Variants in RTN4RL1 observed in about 807,000 individuals in gnomAD.
The protein encoded by RTN4RL1 is reticulon-4 receptor-like 1.
Under a neutral mutation model 25.6 loss-of-function variants are expected in RTN4RL1, and 7 were observed. That is an observed-to-expected ratio of 0.27 (90% CI 0.16 to 0.51). RTN4RL1 has a LOEUF of 0.51. RTN4RL1 is among the 20% of genes least tolerant of loss of function. The probability of loss-of-function intolerance (pLI) is 0.97; values close to 1 mark genes in which losing one functional copy is unlikely to be tolerated. For synonymous variants in RTN4RL1, 297 were observed against 288.2 expected, an observed-to-expected ratio of 1.03 and a Z score of -0.31; for missense variants, 500 against 615.6, an observed-to-expected ratio of 0.81 and a Z score of 1.99.
Position 1,937,030 on chromosome 17 carries a change from G to A in RTN4RL1, c.792C>T (p.Arg264=). The change falls in exon 2 of 2, where the codon CGC becomes CGT. Residue 264 remains arginine, a synonymous_variant. Coordinates refer to ENST00000331238, the MANE Select transcript of RTN4RL1 (RefSeq NM_178568.4). ...GNPWDCGCRA[R]SLWEWLQRFR... ...ACCTCTGCAGCCATTCCCACAGGGA[G>A]CGCGCGCGACAACCACAGTCCCAGG... 6.2e-7 allele frequency: 1 copy of A among 1,604,422 alleles called. No homozygotes were observed. The highest frequency in any genetic ancestry group is 8.5e-7 in the Non-Finnish European group (1 of 1,178,028).
chr17:1,946,977 A>ATG (rs147354240), intron 1 of RTN4RL1, among the ~76,000 whole-genome samples: 59,519 of 135,634 alleles, frequency 0.44, 12,866 homozygotes, highest in Middle Eastern at 0.6. Context: ...CTCTGTGTGA[A>ATG]TGTGTGTGCA....
At position 1,936,942 on chromosome 17, in the gene RTN4RL1, T is replaced by C; in HGVS notation, c.880A>G (p.Lys294Glu). 6.2e-7 allele frequency: 1 copy of C among 1,609,958 alleles called. No individual in the cohort carries two copies. The highest frequency in any genetic ancestry group is 8.5e-7 in the Non-Finnish European group (1 of 1,179,108). Residue 294 changes from lysine to glutamate, a missense_variant, in exon 2 of 2, where the codon AAG becomes GAG. Physicochemically the swap from Lys to Glu is moderately conservative, Grantham distance 56 (BLOSUM62 1). Around this residue, in one of 2 missense-constraint regions of RTN4RL1, gnomAD observed 268 missense variants for 274.5 expected, o/e 0.98. Transcript: ENST00000331238. The stretch of plus-strand genomic sequence containing the variant: ...CGGAAGTCCTCGGCCCTCAGCAGCT[T>C]CAGGTCCTGGCCGTGCCGCAGCCCA... ...SPGLRHGQDL[K>E]LLRAEDFRNC... is the part of the protein sequence containing the mutation.
intron 1 of RTN4RL1, among the ~76,000 whole-genome samples, chr17:1,950,090 C>CTG (rs1458912268): frequency 6.6e-6 from 1 of 152,126 alleles, no homozygotes; most frequent in South Asian, 2.1e-4. Context: ...TGAGAAGTCA[C>CTG]TGAAGAGCCC....
intron 1 of RTN4RL1, among the ~76,000 whole-genome samples, chr17:1,966,032 G>A (rs2066789622): frequency 2.0e-5 from 3 of 152,108 alleles, no homozygotes; most frequent in Admixed American, 6.5e-5. Context: ...CATCACGAGC[G>A]GCTCTGGAGC....
In RTN4RL1 at chr17:1,947,424, G is replaced by T. The variant is rs561029431; in HGVS notation, c.14-9616C>A. Among the ~76,000 whole-genome samples, 4 of 152,310 alleles carry T rather than the reference G, an allele frequency of 2.6e-5. No individual in the cohort carries two copies. The East Asian group carries it at 7.7e-4, about 29-fold the overall frequency. ...CTCACCCTCCTGAAAAGGGAGCGGG[G>T]CCCTGTTCTGGGCAGAGCCACCCAT... is the stretch of plus-strand genomic sequence containing the variant. On this transcript the variant is annotated intron_variant, in intron 1 of 1. Transcript: ENST00000331238.
Position 1,936,793 on chromosome 17 carries a change from G to A in RTN4RL1, c.1029C>T (p.His343=), listed in dbSNP as rs368013755. 4.6e-4 allele frequency: 726 copies of A among 1,586,756 alleles called. 2 individuals are homozygous for A. The highest frequency in any genetic ancestry group is 5.4e-4 in the Non-Finnish European group (626 of 1,168,352). The change falls in exon 2 of 2, where the codon CAC becomes CAT. Residue 343 remains histidine (H), a synonymous_variant. Coordinates refer to ENST00000331238, the MANE Select transcript of RTN4RL1 (RefSeq NM_178568.4). ...HGPTRSKGHP[H]GPRPGHRKPG... is the part of the protein sequence containing the mutation. ...GCTTCCTGTGGCCGGGCCGGGGGCC[G>A]TGCGGGTGGCCCTTGCTCCTGGTGG... is the stretch of plus-strand genomic sequence containing the variant.
At chr17:2,019,171 T>C (rs1310149090) in intron 1 of RTN4RL1, 5 of 152,132 alleles carry the variant, frequency 3.3e-5, no homozygotes, top group Admixed American at 3.3e-4. Context: ...TCTCTCTGTC[T>C]CATTTCTGCC....
In RTN4RL1 at chr17:1,961,773, C is replaced by CAAAAAAAAAAAAAAAAA. The variant is rs1163170575; in HGVS notation, c.14-23982_14-23966dup. Among the ~76,000 whole-genome samples, 74 of 55,574 alleles carry CAAAAAAAAAAAAAAAAA rather than the reference C, an allele frequency of 1.3e-3. 1 individual carries two copies. The highest frequency in any genetic ancestry group is 2.6e-3 in the South Asian group (3 of 1,140). 36.5% of individuals were successfully genotyped at this position (55,574 alleles called of 152,430 possible). A position where few individuals can be genotyped will look rare whatever the true frequency, so the allele number is the denominator to read the frequency against. On this transcript the variant is annotated intron_variant, in intron 1 of 1. Coordinates refer to ENST00000331238, the MANE Select transcript of RTN4RL1 (RefSeq NM_178568.4). ...TGAAACCCTGTCTCCACTAAAAATA[C>CAAAAAAAAAAAAAAAAA]AAAAAAAAAAAAAAAAAAAAAAAAA...
chr17:1,977,006 C>T (rs1301626141), intron 1 of RTN4RL1, among the ~76,000 whole-genome samples: 5 of 152,214 alleles, frequency 3.3e-5, no homozygotes, highest in Non-Finnish European at 7.3e-5. Context: ...TGTGGCCTCT[C>T]AGATCAGACT....
At chr17:1,963,294 T>G (rs1311972650) in intron 1 of RTN4RL1, among the ~76,000 whole-genome samples, 1 of 152,234 alleles carries the variant, frequency 6.6e-6, no homozygotes, top group Non-Finnish European at 1.5e-5. Flanking sequence ...CTTGATTGAA[T>G]CAGGCCTGGC....
intron 1 of RTN4RL1, chr17:2,023,532 T>A (rs567724582): frequency 6.6e-6 from 1 of 152,442 alleles, no homozygotes; most frequent in East Asian, 1.9e-4. Context: ...CGGCCCAAGC[T>A]AGGACCACCA....
chr17:2,007,343 C>CAT (rs2067005568), intron 1 of RTN4RL1, among the ~76,000 whole-genome samples: 1 of 128,536 alleles, frequency 7.8e-6, no homozygotes, highest in Admixed American at 7.6e-5. Flanking sequence ...CCCCAACACA[C>CAT]ACACACACAC....
chr17:2,018,573 C>T (rs1477891166), intron 1 of RTN4RL1, among the ~76,000 whole-genome samples: 1 of 152,162 alleles, frequency 6.6e-6, no homozygotes, highest in Admixed American at 6.5e-5. Flanking sequence ...AAACAAATGT[C>T]AGAGAAATCA....
rs1000601928 is a variant in RTN4RL1 at position 2,009,485 on chromosome 17, G to A, written c.13+15368C>T. ...TGTGTGCCTGTAATCTCAGCTACTC[G>A]AGAGGCTGAGGTAGGAGAATTGCTT... On this transcript the variant is annotated intron_variant, in intron 1 of 1. Coordinates refer to ENST00000331238, the MANE Select transcript of RTN4RL1 (RefSeq NM_178568.4). Among the ~76,000 whole-genome samples the A allele has an allele frequency of 1.6e-5, 2 of 122,440 alleles. 1 individual carries two copies. The highest frequency in any genetic ancestry group is 3.4e-5 in the Non-Finnish European group (2 of 59,210). 80.3% of individuals were successfully genotyped at this position (122,440 alleles called of 152,430 possible).
chr17:1,982,882 T>C (rs866134059), intron 1 of RTN4RL1, among the ~76,000 whole-genome samples: 55 of 152,150 alleles, frequency 3.6e-4, no homozygotes, highest in African/African-American at 1.3e-3. Context: ...TGACAGTCAC[T>C]GTGTGCCACA....
chr17:1,971,722 G>C (rs189446318), intron 1 of RTN4RL1, among the ~76,000 whole-genome samples: 40 of 152,168 alleles, frequency 2.6e-4, no homozygotes, highest in African/African-American at 7.9e-4. Flanking sequence ...CAGCACTTTG[G>C]GGGGCAGAGG....
intron 1 of RTN4RL1, among the ~76,000 whole-genome samples, chr17:1,997,709 C>T (rs28397577): frequency 0.12 from 18,897 of 152,232 alleles, 1,291 homozygotes; most frequent in Non-Finnish European, 0.15. Flanking sequence ...TCTAGGGCAC[C>T]CCTAGCTGCC....
At chr17:1,977,960 C>T (rs1016393891) in intron 1 of RTN4RL1, among the ~76,000 whole-genome samples, 47 of 150,072 alleles carry the variant, frequency 3.1e-4, no homozygotes, top group African/African-American at 1.0e-3. Flanking sequence ...GATCCTGCAT[C>T]CTGCACCCCG....
intron 1 of RTN4RL1, among the ~76,000 whole-genome samples, chr17:1,940,076 C>T (rs1459144630): frequency 6.6e-6 from 1 of 152,206 alleles, no homozygotes; most frequent in African/African-American, 2.4e-5. Context: ...CAGGCCTCAC[C>T]GCCACTGTCA....
Sources: gnomAD v4.1 joint callset for allele counts (sites outside exome capture counted in the v4.1 genomes callset) on GRCh38, gnomAD v4.1.1 for gene constraint, gnomAD v4.1.1 regional missense constraint, MANE v1.5 for transcripts, NCBI Gene and HGNC (gene_info 2026-07-23, HGNC 2026-07-21) for gene names.